The following MAN1C1 variants were observed in gnomAD, a reference collection of about 807,000 sequenced individuals.
MAN1C1 encodes mannosyl-oligosaccharide 1,2-alpha-mannosidase IC.
Under a neutral mutation model 71.5 loss-of-function variants are expected in MAN1C1, and 49 were observed. The observed-to-expected ratio is 0.69, with a 90% confidence interval of 0.54 to 0.87. MAN1C1 has a LOEUF of 0.87. Among genes scored for constraint, MAN1C1 ranks in the 40% least tolerant of loss-of-function variants. MAN1C1 has a pLI of 0.00. For missense variants in MAN1C1, 743 were observed against 835.0 expected, an observed-to-expected ratio of 0.89 and a Z score of 1.36; for synonymous variants, 352 against 343.7, an observed-to-expected ratio of 1.02 and a Z score of -0.27.
chr1:25,672,205 A>AAGAG (rs760005706), intron 1 of MAN1C1, among the ~76,000 whole-genome samples: 2 of 150,770 alleles, frequency 1.3e-5, no homozygotes, highest in African/African-American at 4.9e-5. Context: ...CTAGCTCCAG[A>AAGAG]AGAGAGAGAG....
chr1:25,752,986 C>T (rs542286811), intron 4 of MAN1C1, among the ~76,000 whole-genome samples: 5 of 152,316 alleles, frequency 3.3e-5, no homozygotes, highest in East Asian at 1.9e-4. Flanking sequence ...TCTGTCCGAA[C>T]GGCACCACCT....
chr1:25,726,047 C>A (rs1237476577), intron 2 of MAN1C1, among the ~76,000 whole-genome samples: 2 of 152,256 alleles, frequency 1.3e-5, no homozygotes. Context: ...TGGCCTTGGC[C>A]TCTATGATGG....
chr1:25,737,459 C>T (rs368266023), intron 2 of MAN1C1, among the ~76,000 whole-genome samples: 11 of 152,242 alleles, frequency 7.2e-5, no homozygotes, highest in East Asian at 1.9e-4. Context: ...GTGTCTTCTC[C>T]GAGTCCCAGG....
intron 1 of MAN1C1, among the ~76,000 whole-genome samples, chr1:25,638,789 A>G (rs58852042): frequency 0.05 from 7,631 of 152,158 alleles, 634 homozygotes; most frequent in African/African-American, 0.17. Flanking sequence ...TTTGGATGCT[A>G]TAAGATTTTC....
At chr1:25,630,248 A>T (rs2045358732) in intron 1 of MAN1C1, among the ~76,000 whole-genome samples, 1 of 152,174 alleles carries the variant, frequency 6.6e-6, no homozygotes, top group South Asian at 2.1e-4. Context: ...ATTCTTTTCC[A>T]TGGGTCTATG....
chr1:25,661,312 A>T (rs1466236669), intron 1 of MAN1C1, among the ~76,000 whole-genome samples: 1 of 152,256 alleles, frequency 6.6e-6, no homozygotes, highest in Non-Finnish European at 1.5e-5. Flanking sequence ...TTAACAAATA[A>T]GTATCCAGTG....
intron 11 of MAN1C1, 148 bp from the exon 12 acceptor site, chr1:25,783,515 C>A (rs1414239419): frequency 1.2e-6 from 1 of 819,238 alleles, no homozygotes; most frequent in Non-Finnish European, 1.9e-6. Flanking sequence ...GCACCCCCAC[C>A]CTGCTGCCCA....
chr1:25,731,095 C>G (rs967746088), intron 2 of MAN1C1, among the ~76,000 whole-genome samples: 3 of 152,164 alleles, frequency 2.0e-5, no homozygotes, highest in Admixed American at 1.3e-4. Context: ...GGTGGACAGA[C>G]CGCCTGAGCC....
intron 1 of MAN1C1, among the ~76,000 whole-genome samples, chr1:25,635,943 A>G (rs2124756801): frequency 6.6e-6 from 1 of 152,350 alleles, no homozygotes; most frequent in South Asian, 2.1e-4. Flanking sequence ...GAGTACCAAG[A>G]GAGGAATTTT....
At chr1:25,627,540 G>A (rs1209121204) in intron 1 of MAN1C1, among the ~76,000 whole-genome samples, 1 of 152,184 alleles carries the variant, frequency 6.6e-6, no homozygotes, top group Non-Finnish European at 1.5e-5. Flanking sequence ...CTCCCAAAGT[G>A]CTGGGATTAC....
chr1:25,782,557 T>C lies in MAN1C1; in HGVS notation c.1651-28T>C. On this transcript the variant is annotated intron_variant, in intron 10 of 11. Transcript: ENST00000374332. The surrounding 1 kb of genome is among the most constrained non-coding windows in gnomAD (Gnocchi z 4.4). ...CCTTTCCTGTCCCGTGTTAAGGCTG[T>C]TTTCCTCCTCCTCTTCCCCTTCCTC... 6.5e-7 allele frequency: 1 copy of C among 1,538,792 alleles called. No homozygotes were observed. Among genetic ancestry groups the C allele is most frequent in the Non-Finnish European group, 9.0e-7 (1 of 1,111,630 alleles).
At chr1:25,704,470 T>C (rs742357) in intron 2 of MAN1C1, among the ~76,000 whole-genome samples, 4,897 of 152,320 alleles carry the variant, frequency 0.032, 265 homozygotes, top group African/African-American at 0.11. Context: ...AGTAGCGACA[T>C]CTGGGCATCA....
chr1:25,702,284 C>T (rs2786871), intron 2 of MAN1C1, among the ~76,000 whole-genome samples: 5,895 of 152,222 alleles, frequency 0.039, 141 homozygotes, highest in Non-Finnish European at 0.055. Flanking sequence ...CCACATCGCC[C>T]CTGGCAGTGT....
chr1:25,663,850 G>A (rs984764964), intron 1 of MAN1C1, among the ~76,000 whole-genome samples: 10 of 152,196 alleles, frequency 6.6e-5, no homozygotes, highest in East Asian at 1.9e-4. Context: ...GGCCCACCAA[G>A]TCCATAAGAT....
At chr1:25,708,806 C>A (rs1318413430) in intron 2 of MAN1C1, among the ~76,000 whole-genome samples, 16 of 152,080 alleles carry the variant, frequency 1.1e-4, no homozygotes, top group Non-Finnish European at 2.9e-5. Flanking sequence ...ATCACTTGAA[C>A]CTGGGAGGTG....
intron 2 of MAN1C1, among the ~76,000 whole-genome samples, chr1:25,707,471 G>T (rs2046539815): frequency 6.6e-6 from 1 of 152,250 alleles, no homozygotes; most frequent in Non-Finnish European, 1.5e-5. Flanking sequence ...AAATGCATTT[G>T]AGGGCTTTTA....
At position 25,694,765 on chromosome 1, in the gene MAN1C1, A is replaced by G. The variant is rs373163336; in HGVS notation, c.637+8229A>G. Among the ~76,000 whole-genome samples, 48 of 152,324 alleles carry G rather than the reference A, an allele frequency of 3.2e-4. 1 individual carries two copies. The highest frequency in any genetic ancestry group is 1.2e-3 in the African/African-American group (48 of 41,578). On this transcript the variant is annotated intron_variant, in intron 2 of 11. Transcript: ENST00000374332. Reference sequence around the variant, plus strand: ...GGGAACTGCAGATGTTGCCAGATAGATAGTTTGTGAAAACCAGCTGCTTCC... The same window carrying G: ...GGGAACTGCAGATGTTGCCAGATAGGTAGTTTGTGAAAACCAGCTGCTTCC...
Position 25,746,808 on chromosome 1 carries a change from G to A in MAN1C1, c.753+25G>A. 6 of 817,082 alleles carry A rather than the reference G, an allele frequency of 7.3e-6. 1 individual carries two copies. The highest frequency in any genetic ancestry group is 1.2e-5 in the Non-Finnish European group (6 of 507,244). The allele number at this position is 817,082 out of a possible 1,614,324, so 50.6% of individuals were successfully genotyped here. On this transcript the variant is annotated intron_variant, in intron 3 of 11. Transcript: ENST00000374332. This position sits in a 1 kb window ranked among gnomAD's most constrained non-coding sequence, Gnocchi z 4.0. ...GGTGAGTCAGAGGCCCTCGGCGGGG[G>A]AGGGGGGCGGGGGCCAGAAGAGGCC... is the stretch of plus-strand genomic sequence containing the variant.
chr1:25,651,644 G>A lies in MAN1C1; in HGVS notation c.540+33307G>A, dbSNP rs144200931. ...GTGCTGCCTTCCTCTGCCCTTGCACGGAGCAGGAGCTCAGAATTAACATGC... is the reference window on the plus strand; with the variant it reads ...GTGCTGCCTTCCTCTGCCCTTGCACAGAGCAGGAGCTCAGAATTAACATGC... On this transcript the variant is annotated intron_variant, in intron 1 of 11. Coordinates refer to ENST00000374332, the MANE Select transcript of MAN1C1 (RefSeq NM_020379.4). Among the ~76,000 whole-genome samples the A allele has an allele frequency of 2.7e-3, 407 of 152,304 alleles. 1 individual carries two copies. Among genetic ancestry groups the A allele is most frequent in the Non-Finnish European group, 4.0e-3 (272 of 68,036 alleles).
Sources: gnomAD v4.1 joint callset for allele counts (sites outside exome capture counted in the v4.1 genomes callset) on GRCh38, gnomAD v4.1.1 for gene constraint, Gnocchi (gnomAD v3.1) non-coding constraint, MANE v1.5 for transcripts, NCBI Gene and HGNC (gene_info 2026-07-23, HGNC 2026-07-21) for gene names.